LRRC56: variants seen among roughly 807,000 people sequenced by gnomAD.
The protein encoded by LRRC56 is leucine rich repeat containing 56.
LRRC56 carries 41 observed loss-of-function variants against 47.8 expected under a neutral mutation model. That is an observed-to-expected ratio of 0.86 (90% confidence interval 0.67 to 1.11). The LOEUF (loss-of-function observed/expected upper bound fraction) is 1.11. Among genes scored for constraint, LRRC56 ranks in the 50% most tolerant of loss-of-function variants. The probability of loss-of-function intolerance (pLI) is 0.00; values close to 1 mark genes in which losing one functional copy is unlikely to be tolerated. For synonymous variants in LRRC56, 387 were observed against 311.2 expected, an observed-to-expected ratio of 1.24 and a Z score of -2.56; for missense variants, 759 against 704.2, an observed-to-expected ratio of 1.08 and a Z score of -0.88.
intron 9 of LRRC56, 125 bp from the exon 10 acceptor site, chr11:551,526 C>A (rs1480751084): frequency 1.9e-6 from 2 of 1,047,688 alleles, no homozygotes; most frequent in Non-Finnish European, 2.8e-6. Context: ...CTCTAGAAGG[C>A]TGCAGCGTGA....
upstream of LRRC56, among the ~76,000 whole-genome samples, chr11:536,141 C>A (rs1254801621): frequency 1.3e-5 from 2 of 152,244 alleles, no homozygotes; most frequent in African/African-American, 4.8e-5. Context: ...GCAACCCACC[C>A]CGAGGACGCT....
upstream of LRRC56, chr11:533,873 C>T (rs121913496): frequency 1.2e-6 from 2 of 1,613,264 alleles, no homozygotes; most frequent in African/African-American, 1.3e-5. Context: ...TGTACTCCTC[C>T]TGGCCGGCGG....
chr11:553,948 CTGCT>C lies in LRRC56; in HGVS notation c.1316-9_1316-6del. 6.2e-7 allele frequency: 1 copy of C among 1,606,990 alleles called. No homozygotes were observed. The highest frequency in any genetic ancestry group is 8.5e-7 in the Non-Finnish European group (1 of 1,177,168). ...ACAGCCTTTCTGACGTCCCATCACT[CTGCT>C]TGCTTTCTAGAGCCCTCCGGGACCT... is the stretch of plus-strand genomic sequence containing the variant. On this transcript the variant is annotated splice_polypyrimidine_tract_variant and intron_variant, in intron 13 of 13. Coordinates refer to ENST00000270115, the MANE Select transcript of LRRC56 (RefSeq NM_198075.4).
rs754770785 is a variant in LRRC56 at position 552,709 on chromosome 11, A to G, written c.1315+7A>G. 6.3e-7 allele frequency: 1 copy of G among 1,593,586 alleles called. No individual in the cohort carries two copies. Among genetic ancestry groups the G allele is most frequent in the Non-Finnish European group, 8.5e-7 (1 of 1,169,822 alleles). On this transcript the variant is annotated splice_region_variant and intron_variant, in intron 13 of 13. Coordinates refer to ENST00000270115, the MANE Select transcript of LRRC56 (RefSeq NM_198075.4). ...CCCCCAAGCCTGGCCTCAGGTACTG[A>G]GCCTGCCCGCCTGCCCCCCAGTGCC...
upstream of LRRC56, chr11:533,363 G>A: frequency 4.4e-6 from 7 of 1,607,052 alleles, no homozygotes; most frequent in South Asian, 6.6e-5. Context: ...GCTGCCCTGT[G>A]TCAAGGGAGA....
chr11:544,786 C>T lies in LRRC56; in HGVS notation c.326+6C>T, dbSNP rs375099791. The T allele has an allele frequency of 1.9e-5, 31 of 1,608,622 alleles. No individual in the cohort carries two copies. The African/African-American group carries it at 2.7e-4, about 14-fold the overall frequency. ...AGCCACCTGGGCTCCCTGAGGTGAGCGCCTGAGGGGGGTGGGCTGGGGCCC... is the reference window on the plus strand; with the variant it reads ...AGCCACCTGGGCTCCCTGAGGTGAGTGCCTGAGGGGGGTGGGCTGGGGCCC... On this transcript the variant is annotated splice_donor_region_variant and intron_variant, in intron 6 of 13. Coordinates refer to ENST00000270115, the MANE Select transcript of LRRC56 (RefSeq NM_198075.4).
the LRRC56 span, among the ~76,000 whole-genome samples, chr11:516,710 A>G: frequency 6.6e-6 from 1 of 152,254 alleles, no homozygotes; most frequent in Non-Finnish European, 1.5e-5. Context: ...AGGCTGAAGC[A>G]GGAGGATTCT....
rs138487431 is a variant in LRRC56 at position 550,485 on chromosome 11, G to A, written c.624+213G>A. Among the ~76,000 whole-genome samples the A allele has an allele frequency of 6.4e-4, 97 of 152,278 alleles. No homozygotes were observed. The Middle Eastern group carries it at 0.014, about 21-fold the overall frequency. ...CCCGCTAGATCCCACAGGGTCACCT[G>A]CACACACGCCATGTCCCTTAACCCA... On this transcript the variant is annotated intron_variant, in intron 8 of 13. Coordinates refer to ENST00000270115, the MANE Select transcript of LRRC56 (RefSeq NM_198075.4).
chr11:532,617 G>T (rs587780953), upstream of LRRC56: 1 of 1,607,394 alleles, frequency 6.2e-7, no homozygotes, highest in Non-Finnish European at 8.5e-7. Flanking sequence ...GGCCGCCCTG[G>T]GAGTCCCCCT....
the LRRC56 span, among the ~76,000 whole-genome samples, chr11:514,286 C>G: frequency 6.6e-6 from 1 of 151,364 alleles, no homozygotes; most frequent in Non-Finnish European, 1.5e-5. Flanking sequence ...GAGCCACCAC[C>G]CCCAGCCATT....
the LRRC56 span, among the ~76,000 whole-genome samples, chr11:511,931 G>C: frequency 9.2e-5 from 14 of 152,090 alleles, no homozygotes; most frequent in Non-Finnish European, 1.6e-4. Context: ...AGTTAACTCA[G>C]TGAGGTTAGG....
chr11:509,451 G>C, the LRRC56 span, among the ~76,000 whole-genome samples: 1 of 152,186 alleles, frequency 6.6e-6, no homozygotes, highest in Non-Finnish European at 1.5e-5. Flanking sequence ...AAGGTGCCCA[G>C]GTATGTATAG....
the LRRC56 span, among the ~76,000 whole-genome samples, chr11:509,028 A>G: frequency 3.9e-5 from 6 of 152,256 alleles, no homozygotes; most frequent in East Asian, 1.2e-3. Context: ...CTGGGCAACA[A>G]GAGCGAAACT....
At position 552,730 on chromosome 11, in the gene LRRC56, G is replaced by A. The variant is rs538694618; in HGVS notation, c.1315+28G>A. On this transcript the variant is annotated intron_variant, in intron 13 of 13. Transcript: ENST00000270115. ...ACTGAGCCTGCCCGCCTGCCCCCCAGTGCCTGGGAGTGACCAACACCCCAC... is the reference window on the plus strand; with the variant it reads ...ACTGAGCCTGCCCGCCTGCCCCCCAATGCCTGGGAGTGACCAACACCCCAC... The A allele has an allele frequency of 1.8e-5, 28 of 1,570,068 alleles. 2 individuals carry two copies. The highest frequency in any genetic ancestry group is 3.4e-4 in the Middle Eastern group (2 of 5,846).
At chr11:533,435 G>A (rs1057522255), upstream of LRRC56, 6 of 1,612,160 alleles carry the variant, frequency 3.7e-6, no homozygotes, top group Non-Finnish European at 5.1e-6. Context: ...CTAGCTGTGG[G>A]GTGGAGAGCT....
rs766084950 is a variant in LRRC56, at chr11:554,307, T to G, written c.*31T>G. The G allele has an allele frequency of 2.7e-6, 4 of 1,467,082 alleles. No homozygotes were observed. The African/African-American group carries it at 5.7e-5, about 21-fold the overall frequency. The allele number at this position is 1,467,082 out of a possible 1,614,324, so 90.9% of individuals were successfully genotyped here. A position where few individuals can be genotyped will look rare whatever the true frequency, so the allele number is the denominator to read the frequency against. The stretch of plus-strand genomic sequence containing the variant: ...CCCCCACTGCCAGGCTTCCCTGTGC[T>G]GGGGCCACGACTTGCCCACATATGT... On this transcript the variant is annotated 3_prime_UTR_variant, in exon 14 of 14. Coordinates refer to ENST00000270115, the MANE Select transcript of LRRC56 (RefSeq NM_198075.4).
At chr11:533,377 T>G (rs2133985483), upstream of LRRC56, 1 of 1,601,340 alleles carries the variant, frequency 6.2e-7, no homozygotes, top group Non-Finnish European at 8.5e-7. Context: ...AGGGAGAGGG[T>G]CAGTGAGTGC....
At chr11:508,949 G>A in the LRRC56 span, among the ~76,000 whole-genome samples, 5 of 152,198 alleles carry the variant, frequency 3.3e-5, no homozygotes, top group African/African-American at 4.8e-5. Flanking sequence ...GGAGGCTGAG[G>A]CAGGAGAACC....
the LRRC56 span, among the ~76,000 whole-genome samples, chr11:525,292 CA>C: frequency 6.6e-6 from 1 of 151,688 alleles, no homozygotes; most frequent in African/African-American, 2.4e-5. Flanking sequence ...GTAATCCCAG[CA>C]CTTTGGGAGG....
Sources: gnomAD v4.1 joint callset for allele counts (sites outside exome capture counted in the v4.1 genomes callset) on GRCh38, gnomAD v4.1.1 for gene constraint, MANE v1.5 for transcripts, NCBI Gene and HGNC (gene_info 2026-07-23, HGNC 2026-07-21) for gene names.